The following CASK variants were observed in gnomAD, a reference collection of about 807,000 sequenced individuals.
The protein encoded by CASK is peripheral plasma membrane protein CASK.
CASK carries 4 observed loss-of-function variants against 82.9 expected under a neutral mutation model. The ratio of observed to expected loss-of-function variants is 0.05; its 90% CI spans 0.02 to 0.11. The LOEUF is 0.11. Among genes scored for constraint, CASK ranks in the 10% least tolerant of loss-of-function variants. The pLI, the probability that CASK is intolerant of heterozygous loss-of-function variation, is 1.00. For synonymous variants in CASK, 259 were observed against 253.5 expected (o/e 1.02, Z -0.20); for missense variants, 358 against 720.9 (o/e 0.50, Z 5.76).
chrX:41,833,915 A>T (rs1003160665), intron 2 of CASK, among the ~76,000 whole-genome samples: 13 of 110,137 alleles, frequency 1.2e-4, no homozygotes, highest in African/African-American at 4.0e-4. Context: ...TGCCCAGCTA[A>T]TTTTTTGTAT....
chrX:41,912,762 C>T (rs1025955835), intron 1 of CASK, among the ~76,000 whole-genome samples: 98 of 100,169 alleles, frequency 9.8e-4, no homozygotes, highest in Non-Finnish European at 1.8e-3. Flanking sequence ...CATAGTGAGA[C>T]CCTCTCTCCT....
intron 5 of CASK, among the ~76,000 whole-genome samples, chrX:41,708,312 T>C (rs948368226): frequency 9.0e-6 from 1 of 111,417 alleles, no homozygotes; most frequent in Non-Finnish European, 1.9e-5. Flanking sequence ...TTCAGTGTTA[T>C]TTGACTTTTA....
Position 41,739,706 on chromosome X carries a change from T to G in CASK, c.357-250A>C, listed in dbSNP as rs971375001. Among the ~76,000 whole-genome samples, 5 of 112,380 alleles carry G rather than the reference T, an allele frequency of 4.4e-5. No individual in the cohort carries two copies. The Admixed American group carries it at 4.7e-4, about 11-fold the overall frequency. Reference sequence around the variant, plus strand: ...CTATCTAAGTCAAAAGAATTACACATAGTTCATAAGTAAATTTGCTTTGCA... The same window carrying G: ...CTATCTAAGTCAAAAGAATTACACAGAGTTCATAAGTAAATTTGCTTTGCA... On this transcript the variant is annotated intron_variant, in intron 4 of 26. Transcript: ENST00000378163.
At chrX:41,695,496 TA>T in intron 5 of CASK, 1 of 466,356 alleles carries the variant, frequency 2.1e-6, no homozygotes, top group Non-Finnish European at 3.8e-6. Flanking sequence ...TTTACACTTT[TA>T]GTTAAAGTAA....
At chrX:41,821,677 A>G (rs2070544305) in intron 2 of CASK, among the ~76,000 whole-genome samples, 1 of 112,628 alleles carries the variant, frequency 8.9e-6, no homozygotes, top group Non-Finnish European at 1.9e-5. Flanking sequence ...AAACTTTGCT[A>G]TATGCATGAA....
At chrX:41,699,145 G>A (rs977648107) in intron 5 of CASK, among the ~76,000 whole-genome samples, 3 of 110,442 alleles carry the variant, frequency 2.7e-5, no homozygotes, top group Admixed American at 1.9e-4. Context: ...GGCTGGTCTC[G>A]AACTCCTGAC....
At chrX:41,873,876 G>A (rs748394753) in intron 1 of CASK, among the ~76,000 whole-genome samples, 19 of 97,949 alleles carry the variant, frequency 1.9e-4, no homozygotes, top group African/African-American at 5.3e-4. Flanking sequence ...TGCAACCTCC[G>A]CCTCCTGGGT....
chrX:41,640,744 G>A (rs1420923634), intron 8 of CASK, among the ~76,000 whole-genome samples: 1 of 111,014 alleles, frequency 9.0e-6, no homozygotes, highest in Non-Finnish European at 1.9e-5. Context: ...TGAGTTTTGA[G>A]AATTCTTTAC....
At chrX:41,537,645 C>G (rs993434375) in intron 22 of CASK, among the ~76,000 whole-genome samples, 1 of 110,327 alleles carries the variant, frequency 9.1e-6, no homozygotes, top group Non-Finnish European at 1.9e-5. Flanking sequence ...AGAAATTCGA[C>G]AATATCCTTA....
At chrX:41,763,325 T>C (rs2069039898) in intron 3 of CASK, among the ~76,000 whole-genome samples, 1 of 111,127 alleles carries the variant, frequency 9.0e-6, no homozygotes, top group Non-Finnish European at 1.9e-5. Flanking sequence ...TCTTTTTTCC[T>C]AGTTCCTATG....
chrX:41,895,688 G>T (rs1221523241), intron 1 of CASK, among the ~76,000 whole-genome samples: 1 of 111,180 alleles, frequency 9.0e-6, no homozygotes, highest in Non-Finnish European at 1.9e-5. Context: ...AAAATGAAAA[G>T]CATTTGGAAA....
At chrX:41,779,308 A>C (rs951467643) in intron 3 of CASK, among the ~76,000 whole-genome samples, 2 of 112,209 alleles carry the variant, frequency 1.8e-5, no homozygotes, top group Non-Finnish European at 3.8e-5. Flanking sequence ...GCACCATTTC[A>C]CATGTGTTGT....
rs191918657 is a variant in CASK at position 41,614,943 on chromosome X, A to G, written c.1034-4918T>C. 1.4e-3 allele frequency among the ~76,000 whole-genome samples: 154 copies of G among 110,419 alleles called. 2 individuals carry two copies. Among genetic ancestry groups the G allele is most frequent in the African/African-American group, 5.0e-3 (150 of 30,301 alleles). ...AAGTGATCCTCCCACCTCAGCCCCC[A>G]GAGTAGCTGGGACCACTACACCCAT... On this transcript the variant is annotated intron_variant, in intron 11 of 26. Transcript: ENST00000378163.
At chrX:41,885,970 CAAAGA>C (rs1363891777) in intron 1 of CASK, among the ~76,000 whole-genome samples, 1 of 111,695 alleles carries the variant, frequency 9.0e-6, no homozygotes, top group Non-Finnish European at 1.9e-5. Context: ...TTTCTTAATT[CAAAGA>C]AAAGGGGAGA....
rs766815535 is a variant in CASK at position 41,576,124 on chromosome X, A to G, written c.1503+2216T>C. On this transcript the variant is annotated intron_variant, in intron 15 of 26. Coordinates refer to ENST00000378163, the MANE Select transcript of CASK (RefSeq NM_001367721.1). The stretch of plus-strand genomic sequence containing the variant: ...TGAGTAGCTAGGATTACAGGCACCC[A>G]CCACCACACCTGGCTAATTTTTGTA... Among the ~76,000 whole-genome samples the G allele has an allele frequency of 6.5e-3, 711 of 109,484 alleles. 3 individuals carry two copies. Among genetic ancestry groups the G allele is most frequent in the African/African-American group, 0.023 (678 of 30,124 alleles).
chrX:41,663,307 T>C (rs2067064876), intron 7 of CASK, among the ~76,000 whole-genome samples: 2 of 111,580 alleles, frequency 1.8e-5, no homozygotes, highest in African/African-American at 6.5e-5. Context: ...GATCTATACT[T>C]CAAACTAAGG....
At chrX:41,806,111 G>A (rs2070119922) in intron 2 of CASK, among the ~76,000 whole-genome samples, 1 of 111,783 alleles carries the variant, frequency 8.9e-6, no homozygotes, top group Non-Finnish European at 1.9e-5. Flanking sequence ...CTGTTATAAT[G>A]ATAATGGTTG....
Position 41,879,244 on chromosome X carries a change from G to A in CASK, c.60-26017C>T, listed in dbSNP as rs187862780. ...TTTCAAAAAGTACTACAAGAGTACA[G>A]CAGTCCCCTACCCTTATCCACGTGG... On this transcript the variant is annotated intron_variant, in intron 1 of 26. Coordinates refer to ENST00000378163, the MANE Select transcript of CASK (RefSeq NM_001367721.1). Among the ~76,000 whole-genome samples, 117 of 111,362 alleles carry A rather than the reference G, an allele frequency of 1.1e-3. No individual in the cohort carries two copies. The Admixed American group carries it at 0.011, about 10-fold the overall frequency.
chrX:41,606,990 G>A (rs2065973236), intron 12 of CASK, among the ~76,000 whole-genome samples: 1 of 112,179 alleles, frequency 8.9e-6, no homozygotes, highest in East Asian at 2.8e-4. Flanking sequence ...ACTACTCCTG[G>A]TCTTATACTG....
Sources: allele counts gnomAD v4.1 joint callset (sites outside exome capture counted in the v4.1 genomes callset), GRCh38; gene constraint gnomAD v4.1.1; transcripts MANE v1.5; gene names NCBI Gene and HGNC (gene_info 2026-07-23, HGNC 2026-07-21).